The following CNTNAP2 variants were observed in gnomAD, a reference collection of about 807,000 sequenced individuals.
CNTNAP2 encodes the protein contactin-associated protein-like 2.
A neutral mutation model predicts 155.2 loss-of-function variants in CNTNAP2; 98 were observed. The observed-to-expected ratio is 0.63, with a 90% confidence interval of 0.54 to 0.75. The LOEUF is 0.75. CNTNAP2 is among the 30% of genes least tolerant of loss of function. The pLI, the probability that CNTNAP2 is intolerant of heterozygous loss-of-function variation, is 0.00. For synonymous variants in CNTNAP2, 651 were observed against 631.2 expected (o/e 1.03, Z -0.47); for missense variants, 1,727 against 1,688.1 (o/e 1.02, Z -0.40).
At chr7:146,786,267 C>CAAAA (rs2129188072) in intron 2 of CNTNAP2, among the ~76,000 whole-genome samples, 1 of 126,766 alleles carries the variant, frequency 7.9e-6, no homozygotes, top group African/African-American at 3.6e-5. Context: ...TATTAAGAGG[C>CAAAA]AGACCAAATT....
chr7:147,458,292 G>A (rs1180140851), intron 10 of CNTNAP2, among the ~76,000 whole-genome samples: 1 of 151,928 alleles, frequency 6.6e-6, no homozygotes. Flanking sequence ...TAGAAACGTG[G>A]ATCTCTCTTG....
At chr7:147,201,243 T>G (rs1256151034) in intron 8 of CNTNAP2, among the ~76,000 whole-genome samples, 1 of 152,180 alleles carries the variant, frequency 6.6e-6, no homozygotes, top group African/African-American at 2.4e-5. Context: ...CTTACATTCC[T>G]TTTAGGAAAT....
chr7:147,537,029 G>A (rs944219775), intron 11 of CNTNAP2, among the ~76,000 whole-genome samples: 1 of 151,986 alleles, frequency 6.6e-6, no homozygotes, highest in Non-Finnish European at 1.5e-5. Context: ...CCAGTTTCCT[G>A]CCTGCTCTAT....
At chr7:146,342,601 A>G (rs1161362255) in intron 1 of CNTNAP2, among the ~76,000 whole-genome samples, 2 of 152,208 alleles carry the variant, frequency 1.3e-5, no homozygotes, top group Admixed American at 6.5e-5. Flanking sequence ...CTTTCTAGAT[A>G]TTAAAAAGCA....
rs1474745314 is a variant in CNTNAP2 at position 147,026,393 on chromosome 7, AT to A, written c.403-17513del. 2.0e-5 allele frequency among the ~76,000 whole-genome samples: 3 copies of A among 152,306 alleles called. No homozygotes were observed. In the Middle Eastern group the frequency reaches 0.01, roughly 518 times the overall value. On this transcript the variant is annotated intron_variant, in intron 3 of 23. Coordinates refer to ENST00000361727, the MANE Select transcript of CNTNAP2 (RefSeq NM_014141.6). The stretch of plus-strand genomic sequence containing the variant: ...TTTGTTTGCTTTTTAGACTAACAAA[AT>A]ATTACCACATCTAAATAAATGAAAA...
At position 146,638,799 on chromosome 7, in the gene CNTNAP2, G is replaced by A. The variant is rs944137310; in HGVS notation, c.98-135472G>A. Among the ~76,000 whole-genome samples the A allele has an allele frequency of 5.9e-5, 9 of 152,010 alleles. No homozygotes were observed. The East Asian group carries it at 7.8e-4, about 13-fold the overall frequency. On this transcript the variant is annotated intron_variant, in intron 1 of 23. Coordinates refer to ENST00000361727, the MANE Select transcript of CNTNAP2 (RefSeq NM_014141.6). Reference sequence around the variant, plus strand: ...CGCGCCCGGCCAGGTGTTTCTTAACGATGGGAATGTTGTGAGAAATGTGAT... The same window carrying A: ...CGCGCCCGGCCAGGTGTTTCTTAACAATGGGAATGTTGTGAGAAATGTGAT...
chr7:147,374,895 A>G (rs141890971), intron 9 of CNTNAP2, among the ~76,000 whole-genome samples: 7 of 152,034 alleles, frequency 4.6e-5, no homozygotes, highest in Non-Finnish European at 1.0e-4. Context: ...CCTTGATATG[A>G]TTTGGCTCTG....
At chr7:147,114,355 TG>T (rs745367835) in intron 5 of CNTNAP2, among the ~76,000 whole-genome samples, 8 of 152,190 alleles carry the variant, frequency 5.3e-5, no homozygotes, top group Non-Finnish European at 1.2e-4. Flanking sequence ...GTTCAAGTCC[TG>T]GATGTCTTTG....
chr7:147,150,661 A>G (rs1801806674), intron 8 of CNTNAP2, among the ~76,000 whole-genome samples: 1 of 152,180 alleles, frequency 6.6e-6, no homozygotes, highest in Non-Finnish European at 1.5e-5. Flanking sequence ...AAAACTGAAA[A>G]ATATTGTTAT....
chr7:147,395,543 C>T (rs1264857723), intron 9 of CNTNAP2, 66 bp from the exon 10 acceptor site: 2 of 1,529,376 alleles, frequency 1.3e-6, no homozygotes, highest in Non-Finnish European at 1.8e-6. Context: ...GTAGAATACC[C>T]ACAAGAATTT....
chr7:147,085,014 A>G (rs1800242494), intron 4 of CNTNAP2, among the ~76,000 whole-genome samples: 1 of 152,000 alleles, frequency 6.6e-6, no homozygotes, highest in Non-Finnish European at 1.5e-5. Context: ...TTATAAAATC[A>G]GGCTTATTTT....
intron 15 of CNTNAP2, among the ~76,000 whole-genome samples, chr7:148,093,702 G>A (rs138004600): frequency 3.9e-5 from 6 of 152,246 alleles, no homozygotes; most frequent in East Asian, 1.9e-4. Context: ...ACCCATTACC[G>A]TTGTCCACCC....
intron 20 of CNTNAP2, among the ~76,000 whole-genome samples, chr7:148,256,869 G>A (rs565576950): frequency 4.4e-4 from 67 of 152,266 alleles, no homozygotes; most frequent in African/African-American, 1.5e-3. Context: ...CTCTGGCCTT[G>A]CCAACAATTA....
intron 21 of CNTNAP2, among the ~76,000 whole-genome samples, chr7:148,314,298 G>A (rs549033627): frequency 1.3e-5 from 2 of 152,264 alleles, no homozygotes; most frequent in East Asian, 3.9e-4. Flanking sequence ...TGGATGTCAG[G>A]CACCTCAGAC....
intron 3 of CNTNAP2, among the ~76,000 whole-genome samples, chr7:146,851,205 G>A (rs1249339307): frequency 1.3e-5 from 2 of 151,964 alleles, no homozygotes; most frequent in African/African-American, 4.8e-5. Context: ...GGCTGGTCTC[G>A]AACTCCTGAC....
intron 1 of CNTNAP2, among the ~76,000 whole-genome samples, chr7:146,337,664 C>T (rs1054817278): frequency 6.6e-6 from 1 of 151,930 alleles, no homozygotes; most frequent in African/African-American, 2.4e-5. Flanking sequence ...GAGATGAGGT[C>T]TCATTATGTT....
intron 9 of CNTNAP2, among the ~76,000 whole-genome samples, chr7:147,359,651 C>G (rs369111505): frequency 6.6e-6 from 1 of 152,134 alleles, no homozygotes; most frequent in Non-Finnish European, 1.5e-5. Context: ...ACACTGGGAA[C>G]AGTGCTGCCC....
chr7:147,700,134 G>T (rs978025815), intron 13 of CNTNAP2, among the ~76,000 whole-genome samples: 5 of 152,106 alleles, frequency 3.3e-5, no homozygotes, highest in Non-Finnish European at 5.9e-5. Context: ...AAGTGGGGCT[G>T]AAATTTTTCC....
intron 21 of CNTNAP2, among the ~76,000 whole-genome samples, chr7:148,284,921 G>A (rs1199919109): frequency 6.6e-6 from 1 of 152,208 alleles, no homozygotes; most frequent in African/African-American, 2.4e-5. Context: ...TGCTTTGAAT[G>A]TTCCTCCGGC....
Sources: gnomAD v4.1 joint callset for allele counts (sites outside exome capture counted in the v4.1 genomes callset) on GRCh38, gnomAD v4.1.1 for gene constraint, MANE v1.5 for transcripts, NCBI Gene and HGNC (gene_info 2026-07-23, HGNC 2026-07-21) for gene names.